NEK10: variants seen among roughly 807,000 people sequenced by gnomAD.
NEK10 encodes serine/threonine-protein kinase Nek10.
NEK10 carries 122 observed loss-of-function variants against 159.8 expected under a neutral mutation model. The observed-to-expected ratio is 0.76, with a 90% CI of 0.66 to 0.89. The LOEUF is 0.89. Among genes scored for constraint, NEK10 ranks in the 40% least tolerant of loss-of-function variants. NEK10 has a pLI of 0.00. For missense variants in NEK10, 1,342 were observed against 1,323.1 expected (o/e 1.01, Z -0.22); for synonymous variants, 466 against 457.1 (o/e 1.02, Z -0.25).
intron 30 of NEK10, among the ~76,000 whole-genome samples, chr3:27,153,543 C>T (rs1945102952): frequency 6.6e-6 from 1 of 152,020 alleles, no homozygotes; most frequent in Admixed American, 6.6e-5. Context: ...CCAAGATAGA[C>T]CATATGATAG....
At chr3:27,303,097 G>A (rs1352377185) in intron 12 of NEK10, among the ~76,000 whole-genome samples, 1 of 152,118 alleles carries the variant, frequency 6.6e-6, no homozygotes, top group African/African-American at 2.4e-5. Flanking sequence ...TTATCCAGCT[G>A]GGGTAATAAA....
intron 26 of NEK10, among the ~76,000 whole-genome samples, chr3:27,191,619 C>T (rs1949128628): frequency 6.6e-6 from 1 of 152,168 alleles, no homozygotes; most frequent in Non-Finnish European, 1.5e-5. Context: ...AAAGAGATTG[C>T]AAAGTACAAT....
intron 5 of NEK10, among the ~76,000 whole-genome samples, chr3:27,332,643 G>A (rs919937558): frequency 2.0e-4 from 31 of 152,284 alleles, no homozygotes; most frequent in African/African-American, 5.1e-4. Flanking sequence ...GAATCTTCAC[G>A]TCAGCAAGGA....
At chr3:27,118,512 G>A (rs796440890) in intron 33 of NEK10, among the ~76,000 whole-genome samples, 41 of 152,302 alleles carry the variant, frequency 2.7e-4, no homozygotes, top group African/African-American at 9.6e-4. Flanking sequence ...ATCTTTAAAG[G>A]CATACCCCAC....
intron 13 of NEK10, among the ~76,000 whole-genome samples, chr3:27,299,021 A>G (rs1352479964): frequency 6.6e-6 from 1 of 152,242 alleles, no homozygotes; most frequent in Admixed American, 6.5e-5. Context: ...AATTTTCTGA[A>G]AAGAAATTCA....
intron 18 of NEK10, 81 bp from the exon 19 acceptor site, chr3:27,290,835 C>A: frequency 9.2e-7 from 1 of 1,082,992 alleles, no homozygotes; most frequent in Non-Finnish European, 1.3e-6. Context: ...AAGAGATAGA[C>A]TAACAAAGTC....
intron 22 of NEK10, among the ~76,000 whole-genome samples, chr3:27,264,329 G>T (rs550492974): frequency 9.9e-5 from 15 of 152,142 alleles, no homozygotes; most frequent in East Asian, 3.9e-4. Flanking sequence ...CCAGTCAAAG[G>T]CATGACAAGA....
At chr3:27,190,273 A>G (rs865897548) in intron 26 of NEK10, among the ~76,000 whole-genome samples, 2 of 152,128 alleles carry the variant, frequency 1.3e-5, no homozygotes, top group South Asian at 2.1e-4. Context: ...CCTGAAATCT[A>G]TATTTCTAAA....
At chr3:27,266,202 T>C (rs190372576) in intron 22 of NEK10, among the ~76,000 whole-genome samples, 12 of 152,328 alleles carry the variant, frequency 7.9e-5, no homozygotes, top group African/African-American at 2.9e-4. Flanking sequence ...CTAAGTCAAA[T>C]TTATTAGTTT....
At chr3:27,164,226 A>G (rs1946277634) in intron 29 of NEK10, among the ~76,000 whole-genome samples, 1 of 152,232 alleles carries the variant, frequency 6.6e-6, no homozygotes, top group Non-Finnish European at 1.5e-5. Flanking sequence ...AAAGTTTGAA[A>G]AGAGGCATGA....
intron 14 of NEK10, among the ~76,000 whole-genome samples, chr3:27,296,850 G>T (rs2043389428): frequency 6.6e-6 from 1 of 152,090 alleles, no homozygotes; most frequent in Non-Finnish European, 1.5e-5. Flanking sequence ...CAAAATGATT[G>T]CTGTCCTTAC....
At chr3:27,259,183 A>T (rs1462474345) in intron 22 of NEK10, among the ~76,000 whole-genome samples, 1 of 151,938 alleles carries the variant, frequency 6.6e-6, no homozygotes, top group African/African-American at 2.4e-5. Flanking sequence ...GTTGACTCTG[A>T]TGGTAGTTTC....
At chr3:27,245,028 T>C (rs1954920878) in intron 23 of NEK10, among the ~76,000 whole-genome samples, 1 of 152,186 alleles carries the variant, frequency 6.6e-6, no homozygotes, top group Non-Finnish European at 1.5e-5. Context: ...TAAAGTACCA[T>C]GTAGTTTTCT....
intron 5 of NEK10, among the ~76,000 whole-genome samples, chr3:27,338,201 C>G (rs1433148305): frequency 6.6e-6 from 1 of 152,126 alleles, no homozygotes; most frequent in Non-Finnish European, 1.5e-5. Flanking sequence ...GGTTTTCTGT[C>G]CTTGTAATAT....
chr3:27,271,470 C>G (rs565775400), intron 22 of NEK10, among the ~76,000 whole-genome samples: 2 of 152,066 alleles, frequency 1.3e-5, no homozygotes, highest in Non-Finnish European at 2.9e-5. Flanking sequence ...AAAAATAATG[C>G]TTTGGCTTTT....
In NEK10 at chr3:27,217,529, C is replaced by T. The variant is rs1020610747; in HGVS notation, c.2091-14972G>A. Among the ~76,000 whole-genome samples the T allele has an allele frequency of 2.5e-4, 38 of 152,104 alleles. 2 individuals carry two copies. The highest frequency in any genetic ancestry group is 1.9e-4 in the East Asian group (1 of 5,180). ...AACAGCACCACCAAAGTGGGACATC[C>T]GCCCCCATGACCCAATCACCTCCTA... On this transcript the variant is annotated intron_variant, in intron 23 of 35. Coordinates refer to ENST00000691995, the MANE Select transcript of NEK10 (RefSeq NM_001394966.1).
chr3:27,305,237 T>C (rs1190063345), intron 11 of NEK10, among the ~76,000 whole-genome samples: 5 of 152,236 alleles, frequency 3.3e-5, no homozygotes, highest in Non-Finnish European at 7.3e-5. Flanking sequence ...TTCGCATCCC[T>C]ATGTTAAAAT....
intron 22 of NEK10, among the ~76,000 whole-genome samples, chr3:27,259,403 T>G (rs2040195529): frequency 6.6e-6 from 1 of 152,192 alleles, no homozygotes; most frequent in African/African-American, 2.4e-5. Flanking sequence ...GTATAAGGTG[T>G]AAGGAAGGGA....
intron 23 of NEK10, among the ~76,000 whole-genome samples, chr3:27,207,388 T>C (rs1950620065): frequency 6.6e-6 from 1 of 152,110 alleles, no homozygotes; most frequent in African/African-American, 2.4e-5. Flanking sequence ...AAGTAACTCA[T>C]TGACAATATA....
Sources: allele counts gnomAD v4.1 joint callset (sites outside exome capture counted in the v4.1 genomes callset), GRCh38; gene constraint gnomAD v4.1.1; transcripts MANE v1.5; gene names NCBI Gene and HGNC (gene_info 2026-07-23, HGNC 2026-07-21).